ADGRV1: variants seen among roughly 807,000 people sequenced by gnomAD.
ADGRV1 encodes adhesion G protein-coupled receptor V1.
A neutral mutation model predicts 596.2 loss-of-function variants in ADGRV1; 359 were observed. The ratio of observed to expected loss-of-function variants is 0.60; its 90% CI spans 0.55 to 0.66. The LOEUF is 0.66. Ranked by LOEUF, ADGRV1 falls within the 30% of genes least tolerant of loss-of-function variation. The pLI, the probability that ADGRV1 is intolerant of heterozygous loss-of-function variation, is 0.00. For synonymous variants in ADGRV1, 2,681 were observed against 2,679.2 expected, an observed-to-expected ratio of 1.00 and a Z score of -0.02; for missense variants, 7,274 against 7,575.6, an observed-to-expected ratio of 0.96 and a Z score of 1.48.
intron 16 of ADGRV1, among the ~76,000 whole-genome samples, chr5:90,646,919 A>C (rs1160768513): frequency 6.6e-6 from 1 of 151,708 alleles, no homozygotes; most frequent in African/African-American, 2.4e-5. Context: ...GACTACAGGC[A>C]CACACCACCA....
chr5:91,131,522 C>T (rs1794217526), intron 87 of ADGRV1, among the ~76,000 whole-genome samples: 1 of 151,372 alleles, frequency 6.6e-6, no homozygotes, highest in Non-Finnish European at 1.5e-5. Context: ...ATGATCTCGG[C>T]TCACTGTAAC....
intron 87 of ADGRV1, among the ~76,000 whole-genome samples, chr5:91,130,961 A>T (rs753560271): frequency 1.3e-5 from 2 of 152,228 alleles, no homozygotes; most frequent in African/African-American, 2.4e-5. Context: ...TCCATTTTTT[A>T]TGGCTGCATA....
intron 34 of ADGRV1, among the ~76,000 whole-genome samples, chr5:90,700,411 C>A (rs1321907227): frequency 6.6e-6 from 1 of 152,134 alleles, no homozygotes; most frequent in Non-Finnish European, 1.5e-5. Context: ...TCTGTAGAAT[C>A]CTATTTCTAC....
At chr5:90,853,201 T>C (rs1581328118) in intron 79 of ADGRV1, 83 bp from the exon 80 acceptor site, 1 of 1,294,304 alleles carries the variant, frequency 7.7e-7, no homozygotes, top group East Asian at 2.3e-5. Context: ...AGAATCCAAG[T>C]GTAATGCACT....
intron 50 of ADGRV1, among the ~76,000 whole-genome samples, chr5:90,741,976 A>G (rs746129937): frequency 6.6e-6 from 1 of 151,798 alleles, no homozygotes. Context: ...TTTAAATGGA[A>G]GAAGAAGAAT....
chr5:90,963,727 G>A (rs1778217999), intron 83 of ADGRV1, among the ~76,000 whole-genome samples: 1 of 151,072 alleles, frequency 6.6e-6, no homozygotes, highest in Non-Finnish European at 1.5e-5. Flanking sequence ...GATGAGGGAA[G>A]TAGAAGGGGA....
chr5:90,703,468 A>G (rs1748171206), intron 34 of ADGRV1, among the ~76,000 whole-genome samples, 197 bp from the exon 35 acceptor site: 1 of 152,108 alleles, frequency 6.6e-6, no homozygotes, highest in African/African-American at 2.4e-5. Context: ...GTTCTACTAA[A>G]TTGAAGTATT....
intron 1 of ADGRV1, among the ~76,000 whole-genome samples, chr5:90,581,718 G>A (rs1758085691): frequency 6.6e-6 from 1 of 152,196 alleles, no homozygotes; most frequent in South Asian, 2.1e-4. Flanking sequence ...CACTTAAGGA[G>A]GCAGTTTGTC....
intron 89 of ADGRV1, 60 bp downstream of exon 89, chr5:91,153,458 A>G: frequency 1.5e-6 from 2 of 1,296,056 alleles, no homozygotes; most frequent in South Asian, 1.7e-5. Flanking sequence ...TACAATTTAT[A>G]TTTTCTTTCC....
intron 78 of ADGRV1, among the ~76,000 whole-genome samples, chr5:90,842,493 C>CAGAT (rs1264469292): frequency 6.6e-6 from 1 of 152,060 alleles, no homozygotes; most frequent in Non-Finnish European, 1.5e-5. Context: ...CGGAGGCAGG[C>CAGAT]AGATCACTTG....
intron 1 of ADGRV1, among the ~76,000 whole-genome samples, chr5:90,586,657 C>T (rs118070721): frequency 3.9e-5 from 6 of 152,296 alleles, no homozygotes; most frequent in East Asian, 3.9e-4. Flanking sequence ...AATGCTACAT[C>T]GGTATGGTGC....
chr5:90,796,377 A>C (rs1265926954), intron 70 of ADGRV1, among the ~76,000 whole-genome samples: 2 of 152,142 alleles, frequency 1.3e-5, no homozygotes, highest in Non-Finnish European at 2.9e-5. Context: ...AAATGATATG[A>C]TAGATTGAAG....
Position 90,666,292 on chromosome 5 carries a change from G to A in ADGRV1, c.4753-6254G>A, listed in dbSNP as rs181842278. On this transcript the variant is annotated intron_variant, in intron 21 of 89. Coordinates refer to ENST00000405460, the MANE Select transcript of ADGRV1 (RefSeq NM_032119.4). ...TTCAGGACTTGCTTTTTGAATGTGG[G>A]TGCTCCTTTGTTGGGTGCATATATA... 2.0e-5 allele frequency among the ~76,000 whole-genome samples: 3 copies of A among 152,228 alleles called. No individual in the cohort carries two copies. The East Asian group carries it at 5.8e-4, about 29-fold the overall frequency.
At chr5:90,820,052 A>G (rs1763319557) in intron 75 of ADGRV1, among the ~76,000 whole-genome samples, 1 of 151,730 alleles carries the variant, frequency 6.6e-6, no homozygotes. Flanking sequence ...TGGGAGTCTA[A>G]GTCTCTTTGT....
chr5:90,694,501 T>A lies in ADGRV1; in HGVS notation c.7745T>A (p.Ile2582Asn), dbSNP rs1024578293. ...GGTGATGCCTTTGGAGTGTTTGTGA[T>A]CTACAATATTAGTCCCAATACTTCC... is the stretch of plus-strand genomic sequence containing the variant. ...LNGDAFGVFV[I>N]YNISPNTSED... The change falls in exon 33 of 90, where the codon ATC (isoleucine) becomes AAC (asparagine). Residue 2582 changes from isoleucine (I) to asparagine (N), a missense_variant. Ile to Asn is a moderately radical substitution (Grantham distance 149). Transcript: ENST00000405460. 1 of 1,613,858 alleles carries A rather than the reference T, an allele frequency of 6.2e-7. No individual in the cohort carries two copies. The highest frequency in any genetic ancestry group is 1.3e-5 in the African/African-American group (1 of 74,934).
chr5:91,137,928 C>T (rs1278089239), intron 87 of ADGRV1, among the ~76,000 whole-genome samples: 1 of 152,182 alleles, frequency 6.6e-6, no homozygotes, highest in African/African-American at 2.4e-5. Context: ...TCTGGATTTA[C>T]GTAAGGATAA....
chr5:90,576,593 T>C (rs1757253085), intron 1 of ADGRV1, among the ~76,000 whole-genome samples: 1 of 152,226 alleles, frequency 6.6e-6, no homozygotes, highest in Non-Finnish European at 1.5e-5. Flanking sequence ...TGTGTCTTTA[T>C]AGTAGCATGA....
intron 35 of ADGRV1, among the ~76,000 whole-genome samples, chr5:90,704,179 A>G (rs1748287957): frequency 6.6e-6 from 1 of 152,198 alleles, no homozygotes; most frequent in African/African-American, 2.4e-5. Flanking sequence ...TTAGCTCAGC[A>G]TTCAAGATCT....
At chr5:90,582,635 G>T (rs549574706) in intron 1 of ADGRV1, among the ~76,000 whole-genome samples, 1 of 152,068 alleles carries the variant, frequency 6.6e-6, no homozygotes, top group Non-Finnish European at 1.5e-5. Context: ...TATCATCATT[G>T]CTCACTGCAG....
Sources: allele counts gnomAD v4.1 joint callset (sites outside exome capture counted in the v4.1 genomes callset), GRCh38; gene constraint gnomAD v4.1.1; transcripts MANE v1.5; gene names NCBI Gene and HGNC (gene_info 2026-07-23, HGNC 2026-07-21).